The following WASF3 variants were observed in gnomAD, a reference collection of about 807,000 sequenced individuals.
WASF3 encodes the protein actin-binding protein WASF3.
In WASF3, 11 loss-of-function variants were observed where a neutral mutation model predicts 46.6. That is an observed-to-expected ratio of 0.24 (90% CI 0.15 to 0.39). WASF3 has a LOEUF of 0.39. Ranked by LOEUF, WASF3 falls within the 10% of genes least tolerant of loss-of-function variation. WASF3 has a pLI of 1.00. For synonymous variants in WASF3, 242 were observed against 259.7 expected, an observed-to-expected ratio of 0.93 and a Z score of 0.65; for missense variants, 576 against 669.8, an observed-to-expected ratio of 0.86 and a Z score of 1.55.
chr13:26,664,881 TA>T, intron 3 of WASF3, 146 bp from the exon 4 acceptor site: 1 of 720,514 alleles, frequency 1.4e-6, no homozygotes, highest in Non-Finnish European at 2.3e-6. Context: ...TCAAAAGTTC[TA>T]AAGGCCTTGG....
chr13:26,683,010 A>G, intron 9 of WASF3, 36 bp downstream of exon 9: 1 of 1,574,192 alleles, frequency 6.4e-7, no homozygotes, highest in Non-Finnish European at 8.6e-7. Flanking sequence ...CCTGCCTTTC[A>G]GCAAGAGGTT....
chr13:26,633,942 G>A (rs1467798769), intron 2 of WASF3, among the ~76,000 whole-genome samples: 4 of 152,190 alleles, frequency 2.6e-5, no homozygotes, highest in Non-Finnish European at 5.9e-5. Context: ...AGTGTGATGT[G>A]GTGCTGAGAA....
chr13:26,561,752 A>T (rs917113776), intron 1 of WASF3, among the ~76,000 whole-genome samples: 1 of 152,120 alleles, frequency 6.6e-6, no homozygotes, highest in Non-Finnish European at 1.5e-5. Context: ...TCTAGATTAG[A>T]TTGCACTCCA....
intron 1 of WASF3, among the ~76,000 whole-genome samples, chr13:26,575,728 GTATT>G (rs1476235682): frequency 4.6e-5 from 7 of 152,058 alleles, no homozygotes; most frequent in South Asian, 2.1e-4. Context: ...CTTATTTTTA[GTATT>G]TATTTATTTG....
At chr13:26,680,050 C>T in intron 7 of WASF3, 1 of 1,596,908 alleles carries the variant, frequency 6.3e-7, no homozygotes, top group African/African-American at 1.3e-5. Flanking sequence ...GAAACACAAG[C>T]TGAACCCTAA....
intron 4 of WASF3, among the ~76,000 whole-genome samples, chr13:26,666,692 G>A (rs1882781778): frequency 6.6e-6 from 1 of 152,066 alleles, no homozygotes; most frequent in South Asian, 2.1e-4. Flanking sequence ...GAGGTCAGGA[G>A]ATCAAGACCA....
intron 1 of WASF3, among the ~76,000 whole-genome samples, chr13:26,605,968 G>A (rs563147540): frequency 6.6e-6 from 1 of 152,300 alleles, no homozygotes; most frequent in East Asian, 1.9e-4. Flanking sequence ...TTGAGAGGGT[G>A]CCATGAATTC....
intron 3 of WASF3, among the ~76,000 whole-genome samples, chr13:26,655,614 G>A (rs1882443071): frequency 6.6e-6 from 1 of 152,152 alleles, no homozygotes; most frequent in East Asian, 1.9e-4. Flanking sequence ...AACAGTTGCT[G>A]TGGTGGTTGC....
chr13:26,572,607 C>G (rs1235466359), intron 1 of WASF3, among the ~76,000 whole-genome samples: 1 of 152,086 alleles, frequency 6.6e-6, no homozygotes, highest in Non-Finnish European at 1.5e-5. Flanking sequence ...GCTCTGTCGC[C>G]CAGGCTGGAG....
chr13:26,544,311 G>T, the WASF3 span, among the ~76,000 whole-genome samples: 1 of 152,142 alleles, frequency 6.6e-6, no homozygotes, highest in Non-Finnish European at 1.5e-5. Flanking sequence ...CTTCTCAAAA[G>T]GAACCCTTAT....
intron 1 of WASF3, among the ~76,000 whole-genome samples, chr13:26,588,877 A>C (rs539806028): frequency 6.6e-6 from 1 of 152,180 alleles, no homozygotes. Context: ...GGCTCACTGC[A>C]GCCTTGACCT....
intron 2 of WASF3, among the ~76,000 whole-genome samples, chr13:26,633,189 C>T (rs1302384653): frequency 5.2e-5 from 4 of 76,380 alleles, no homozygotes; most frequent in African/African-American, 1.4e-4. Flanking sequence ...CTGTTTTGAT[C>T]TTAGTTATTT....
chr13:26,659,868 G>A (rs145638058), intron 3 of WASF3, among the ~76,000 whole-genome samples: 1 of 152,014 alleles, frequency 6.6e-6, no homozygotes, highest in East Asian at 1.9e-4. Context: ...CTTATGAGGG[G>A]GTATTAGGAC....
At chr13:26,553,816 C>CAA (rs35110514), upstream of WASF3, among the ~76,000 whole-genome samples, 1 of 131,570 alleles carries the variant, frequency 7.6e-6, no homozygotes, top group African/African-American at 3.0e-5. Context: ...GACTCCATCT[C>CAA]AAAAAAAAAA....
intron 1 of WASF3, among the ~76,000 whole-genome samples, chr13:26,590,041 G>A (rs1880243784): frequency 6.6e-6 from 1 of 152,104 alleles, no homozygotes; most frequent in African/African-American, 2.4e-5. Context: ...CAATTCTTTT[G>A]GAAAGCTGCA....
chr13:26,606,203 C>T (rs1880790606), intron 1 of WASF3, among the ~76,000 whole-genome samples: 1 of 152,124 alleles, frequency 6.6e-6, no homozygotes, highest in South Asian at 2.1e-4. Flanking sequence ...ATAAACTGCT[C>T]AGAGTTTTCT....
intron 2 of WASF3, among the ~76,000 whole-genome samples, chr13:26,627,569 G>C (rs1047811945): frequency 2.4e-4 from 36 of 152,102 alleles, no homozygotes; most frequent in Admixed American, 2.3e-3. Flanking sequence ...GGTGGGCTGG[G>C]GGGACGTGAA....
At chr13:26,575,751 T>A (rs1465270529) in intron 1 of WASF3, among the ~76,000 whole-genome samples, 1 of 152,208 alleles carries the variant, frequency 6.6e-6, no homozygotes, top group African/African-American at 2.4e-5. Context: ...TGAGACAGGT[T>A]CTAGAATGAT....
chr13:26,681,405 T>A, intron 8 of WASF3, 85 bp downstream of exon 8: 2 of 1,447,262 alleles, frequency 1.4e-6, no homozygotes, highest in Non-Finnish European at 1.8e-6. Context: ...TTAACTCCGG[T>A]ATTTTAGAGG....
Sources: gnomAD v4.1 joint callset for allele counts (sites outside exome capture counted in the v4.1 genomes callset) on GRCh38, gnomAD v4.1.1 for gene constraint, MANE v1.5 for transcripts, NCBI Gene and HGNC (gene_info 2026-07-23, HGNC 2026-07-21) for gene names.